The following MED23 variants were observed in gnomAD, a reference collection of about 807,000 sequenced individuals.
MED23 encodes the protein mediator complex subunit 23.
MED23 carries 105 observed loss-of-function variants against 163.9 expected under a neutral mutation model. The observed-to-expected ratio is 0.64, with a 90% CI of 0.55 to 0.75. The LOEUF (loss-of-function observed/expected upper bound fraction) is 0.75, where lower values mean the gene tolerates loss of function less well. MED23 is among the 30% of genes least tolerant of loss of function. The pLI is 0.00. For missense variants in MED23, 1,054 were observed against 1,649.0 expected (o/e 0.64, Z 6.25); for synonymous variants, 561 against 565.6 (o/e 0.99, Z 0.12).
chr6:131,594,170 T>A lies in MED23; in HGVS notation c.3161A>T (p.Asn1054Ile). ...AACCCAAGGATTTTCCTCTCGTGCA[T>A]TCATAGCGCATTTCAGGTAAGTGTC... Reference protein sequence around the residue: ...LSDTYLKCAMNAREENPWVPD... With the variant: ...LSDTYLKCAMIAREENPWVPD... Residue 1054 changes from asparagine (N) to isoleucine (I), a missense_variant, in exon 23 of 29, where the codon AAT (asparagine) becomes ATT (isoleucine). Asn to Ile is a moderately radical substitution (Grantham distance 149). Coordinates refer to ENST00000368068, the MANE Select transcript of MED23 (RefSeq NM_004830.4). 6.2e-7 allele frequency: 1 copy of A among 1,614,182 alleles called. No homozygotes were observed. The highest frequency in any genetic ancestry group is 8.5e-7 in the Non-Finnish European group (1 of 1,180,024).
At chr6:131,592,595 AT>A in intron 24 of MED23, 135 bp from the exon 25 acceptor site, 1 of 772,702 alleles carries the variant, frequency 1.3e-6, no homozygotes, top group Non-Finnish European at 2.2e-6. Context: ...ACAATGGGGA[AT>A]TTTTTATTGA....
chr6:131,592,467 C>T lies in MED23; in HGVS notation c.3399-7G>A. 2 of 1,613,140 alleles carry T rather than the reference C, an allele frequency of 1.2e-6. No individual in the cohort carries two copies. On this transcript the variant is annotated splice_region_variant and splice_polypyrimidine_tract_variant and intron_variant, in intron 24 of 28. Transcript: ENST00000368068. ...TCTTGGCACTAAAGGCTGACTGCAA[C>T]CGGCAAAAAAGAATGTAAGTATGAA...
chr6:131,609,851 T>C (rs995253629), intron 11 of MED23, among the ~76,000 whole-genome samples, 195 bp downstream of exon 11: 6 of 151,418 alleles, frequency 4.0e-5, no homozygotes, highest in Non-Finnish European at 7.4e-5. Context: ...TGAGAATACA[T>C]AGAATGAATG....
chr6:131,602,949 G>T (rs568974247), intron 16 of MED23, 81 bp downstream of exon 16: 12 of 1,392,238 alleles, frequency 8.6e-6, no homozygotes, highest in African/African-American at 2.9e-5. Flanking sequence ...AAACTATAAG[G>T]TAAAGGTAAA....
chr6:131,598,104 A>AAAACAAAAAC lies in MED23; in HGVS notation c.2607+173_2607+182dup. On this transcript the variant is annotated intron_variant, in intron 20 of 28. Transcript: ENST00000368068. This position sits in a 1 kb window ranked among gnomAD's most constrained non-coding sequence, Gnocchi z 4.7. ...GACCCTGTCTCAAAAAACAAACAAAAAAACAAAAACAAACAAAAACAGAAA... is the reference window on the plus strand; with the variant it reads ...GACCCTGTCTCAAAAAACAAACAAAAAAACAAAAACAAACAAAAACAAACAAAAACAGAAA... 1 of 702,732 alleles carries AAAACAAAAAC rather than the reference A, an allele frequency of 1.4e-6. No individual in the cohort carries two copies. Among genetic ancestry groups the AAAACAAAAAC allele is most frequent in the East Asian group, 2.7e-5 (1 of 37,050 alleles). The allele number at this position is 702,732 out of a possible 1,614,324, so 43.5% of individuals were successfully genotyped here. A position where few individuals can be genotyped will look rare whatever the true frequency, so the allele number is the denominator to read the frequency against.
chr6:131,605,623 T>C (rs1775800322), intron 13 of MED23, 138 bp from the exon 14 acceptor site: 3 of 838,238 alleles, frequency 3.6e-6, no homozygotes, highest in Non-Finnish European at 3.5e-6. Context: ...AGTTTCTGTG[T>C]GAAATGTACA....
At chr6:131,612,345 A>G (rs1257695537) in intron 10 of MED23, among the ~76,000 whole-genome samples, 1 of 152,060 alleles carries the variant, frequency 6.6e-6, no homozygotes, top group African/African-American at 2.4e-5. Flanking sequence ...CAGAATAATA[A>G]ACTGCTTTAG....
chr6:131,616,222 A>C (rs1776678368), intron 9 of MED23, among the ~76,000 whole-genome samples: 2 of 152,132 alleles, frequency 1.3e-5, no homozygotes. Context: ...GCTTGCCCCA[A>C]GGTCATACAG....
intron 30 of MED23, among the ~76,000 whole-genome samples, chr6:131,580,051 C>A (rs1773842772): frequency 6.6e-6 from 1 of 152,138 alleles, no homozygotes; most frequent in Admixed American, 6.5e-5. Context: ...ATAATTTTCA[C>A]CATTACAAAT....
At chr6:131,591,649 C>A in intron 25 of MED23, 122 bp from the exon 26 acceptor site, 2 of 779,828 alleles carry the variant, frequency 2.6e-6, no homozygotes, top group South Asian at 1.5e-5. Flanking sequence ...CTGCACAATA[C>A]AGCTGGGTGG....
intron 26 of MED23, 73 bp from the exon 27 acceptor site, chr6:131,590,515 A>T (rs2608955): frequency 0.25 from 262,909 of 1,031,188 alleles, 40,801 homozygotes; most frequent in African/African-American, 0.68. Context: ...CATACAGTAT[A>T]TACAAAGTAT....
chr6:131,578,296 T>C (rs1190723502), intron 30 of MED23, among the ~76,000 whole-genome samples: 1 of 151,976 alleles, frequency 6.6e-6, no homozygotes, highest in Admixed American at 6.6e-5. Flanking sequence ...TTGTATCAGG[T>C]GAAATTTCTT....
At chr6:131,583,394 A>C, downstream of MED23, 1 of 1,614,186 alleles carries the variant, frequency 6.2e-7, no homozygotes, top group South Asian at 1.1e-5. Flanking sequence ...ATGTTGACGG[A>C]CTGGACCCAT....
intron 26 of MED23, 67 bp from the exon 27 acceptor site, chr6:131,590,509 C>T (rs1348070380): frequency 3.5e-6 from 4 of 1,146,816 alleles, no homozygotes; most frequent in African/African-American, 1.5e-5. Context: ...TTTGTTCATA[C>T]AGTATATACA....
At chr6:131,618,555 G>T in intron 8 of MED23, 36 bp from the exon 9 acceptor site, 4 of 1,267,682 alleles carry the variant, frequency 3.2e-6, no homozygotes, top group South Asian at 1.2e-5. Flanking sequence ...AAGTAAATGT[G>T]AACACAGCAG....
At chr6:131,590,073 A>T (rs965367621) in intron 27 of MED23, among the ~76,000 whole-genome samples, 13 of 152,156 alleles carry the variant, frequency 8.5e-5, no homozygotes, top group Non-Finnish European at 1.9e-4. Flanking sequence ...TAAGATCTCA[A>T]ATGTACTTCT....
chr6:131,622,860 T>C (rs1262244999), intron 5 of MED23, among the ~76,000 whole-genome samples: 1 of 152,232 alleles, frequency 6.6e-6, no homozygotes, highest in Non-Finnish European at 1.5e-5. Context: ...GAATGGCTTT[T>C]GTAGCTATGG....
At chr6:131,585,904 G>C (rs1774159954), downstream of MED23, among the ~76,000 whole-genome samples, 1 of 152,148 alleles carries the variant, frequency 6.6e-6, no homozygotes, top group Non-Finnish European at 1.5e-5. Flanking sequence ...AAATTAATTA[G>C]AATGTTTATG....
intron 30 of MED23, chr6:131,579,233 G>A: frequency 6.2e-7 from 1 of 1,614,142 alleles, no homozygotes; most frequent in Non-Finnish European, 8.5e-7. Flanking sequence ...TGGCAAGGTG[G>A]CAGAAGTCAA....
Sources: gnomAD v4.1 joint callset for allele counts (sites outside exome capture counted in the v4.1 genomes callset) on GRCh38, gnomAD v4.1.1 for gene constraint, Gnocchi (gnomAD v3.1) non-coding constraint, MANE v1.5 for transcripts, NCBI Gene and HGNC (gene_info 2026-07-23, HGNC 2026-07-21) for gene names.